Variants in RNF150 observed in about 807,000 individuals in gnomAD.
RNF150 encodes the protein ring finger protein 150.
In RNF150, 24 loss-of-function variants were observed where a neutral mutation model predicts 39.3. That is an observed-to-expected ratio of 0.61 (90% CI 0.44 to 0.86). The LOEUF (loss-of-function observed/expected upper bound fraction) is 0.86. Ranked by LOEUF, RNF150 falls within the 40% of genes least tolerant of loss-of-function variation. The pLI, the probability that RNF150 is intolerant of heterozygous loss-of-function variation, is 0.00. For missense variants in RNF150, 502 were observed against 587.8 expected, an observed-to-expected ratio of 0.85 and a Z score of 1.51; for synonymous variants, 255 against 227.3, an observed-to-expected ratio of 1.12 and a Z score of -1.10.
chr4:141,048,786 T>C (rs1299872533), intron 1 of RNF150, among the ~76,000 whole-genome samples: 1 of 152,136 alleles, frequency 6.6e-6, no homozygotes, highest in Non-Finnish European at 1.5e-5. Context: ...GAATTGGCTG[T>C]TGCAACTATT....
intron 1 of RNF150, among the ~76,000 whole-genome samples, chr4:141,159,249 C>T (rs1345478026): frequency 1.3e-5 from 2 of 152,136 alleles, no homozygotes; most frequent in African/African-American, 4.8e-5. Flanking sequence ...ATCTAATTCG[C>T]CATTGTAGCT....
intron 1 of RNF150, among the ~76,000 whole-genome samples, chr4:141,182,914 T>A (rs891876599): frequency 6.6e-6 from 1 of 150,890 alleles, no homozygotes; most frequent in Non-Finnish European, 1.5e-5. Flanking sequence ...GGCATCACAC[T>A]ACCTGACTTC....
intron 1 of RNF150, among the ~76,000 whole-genome samples, chr4:141,081,507 T>G (rs1045191167): frequency 2.0e-5 from 3 of 152,210 alleles, no homozygotes; most frequent in African/African-American, 7.2e-5. Context: ...TGTTTCATGT[T>G]TGGCAGCTTT....
intron 1 of RNF150, among the ~76,000 whole-genome samples, chr4:141,088,976 C>T (rs1738472308): frequency 6.6e-6 from 1 of 152,132 alleles, no homozygotes; most frequent in Non-Finnish European, 1.5e-5. Context: ...TACATAATTG[C>T]TAACAAAGTC....
intron 1 of RNF150, among the ~76,000 whole-genome samples, chr4:141,058,359 T>G (rs931501395): frequency 6.6e-6 from 1 of 152,154 alleles, no homozygotes; most frequent in African/African-American, 2.4e-5. Context: ...GAAAATCCCT[T>G]ACCCTTAATC....
chr4:140,921,489 C>T (rs1361492768), intron 5 of RNF150, among the ~76,000 whole-genome samples: 7 of 152,052 alleles, frequency 4.6e-5, no homozygotes, highest in Admixed American at 4.6e-4. Context: ...GCCCACCAAC[C>T]AAAAAAAGTC....
At chr4:140,998,356 A>G (rs1312428507) in intron 1 of RNF150, among the ~76,000 whole-genome samples, 3 of 152,334 alleles carry the variant, frequency 2.0e-5, no homozygotes, top group Non-Finnish European at 2.9e-5. Context: ...AAGAAGAGGA[A>G]GATACATCAG....
In RNF150 at chr4:140,868,300, T is replaced by A. The variant is rs772430827; in HGVS notation, c.1278A>T (p.Glu426Asp). 6.2e-7 allele frequency: 1 copy of A among 1,611,504 alleles called. No individual in the cohort carries two copies. The highest frequency in any genetic ancestry group is 8.5e-7 in the Non-Finnish European group (1 of 1,177,628). ...MAMEVGLSDV[E>D]LSTDQDCEEV... ...CTTCACAGTCCTGGTCAGTGGAAAG[T>A]TCTACATCAGACAGTCCAACCTCCA... is the stretch of plus-strand genomic sequence containing the variant. The change falls in exon 7 of 7, where the codon GAA (glutamate) becomes GAT (aspartate). Residue 426 changes from glutamate (E) to aspartate (D), a missense_variant. Coordinates refer to ENST00000515673, the MANE Select transcript of RNF150 (RefSeq NM_020724.2).
At chr4:140,894,472 C>T (rs901509276) in intron 6 of RNF150, among the ~76,000 whole-genome samples, 3 of 152,156 alleles carry the variant, frequency 2.0e-5, no homozygotes, top group Non-Finnish European at 2.9e-5. Flanking sequence ...AAGGATCATG[C>T]TGCTGCTTTT....
At chr4:140,924,076 C>A (rs985124971) in intron 5 of RNF150, among the ~76,000 whole-genome samples, 1 of 152,078 alleles carries the variant, frequency 6.6e-6, no homozygotes, top group Admixed American at 6.5e-5. Context: ...ACACATGCAA[C>A]AAACCTGCAC....
chr4:140,881,990 T>TC (rs1387079900), intron 6 of RNF150, among the ~76,000 whole-genome samples: 2 of 152,152 alleles, frequency 1.3e-5, no homozygotes, highest in Admixed American at 6.5e-5. Context: ...TCGTATGATT[T>TC]CAATCTTCTT....
intron 1 of RNF150, among the ~76,000 whole-genome samples, chr4:141,143,594 A>G (rs989250319): frequency 6.6e-6 from 1 of 152,202 alleles, no homozygotes; most frequent in Admixed American, 6.5e-5. Context: ...TCCACACGGC[A>G]AGTCAGTGGA....
intron 1 of RNF150, among the ~76,000 whole-genome samples, chr4:141,027,939 T>G (rs1329405626): frequency 4.5e-5 from 6 of 133,564 alleles, no homozygotes; most frequent in South Asian, 2.4e-4. Flanking sequence ...TTTTTTTTTT[T>G]TTTTTTTTTT....
intron 1 of RNF150, among the ~76,000 whole-genome samples, chr4:141,044,035 T>C (rs1736467082): frequency 6.6e-6 from 1 of 152,122 alleles, no homozygotes; most frequent in South Asian, 2.1e-4. Flanking sequence ...TTGAAGTAAA[T>C]GTATTCTATT....
At chr4:141,094,499 C>T (rs1738703330) in intron 1 of RNF150, among the ~76,000 whole-genome samples, 1 of 152,236 alleles carries the variant, frequency 6.6e-6, no homozygotes, top group African/African-American at 2.4e-5. Context: ...TAAGGTTTTG[C>T]AGGCCAATCT....
At chr4:141,118,232 C>A (rs1462089575) in intron 1 of RNF150, among the ~76,000 whole-genome samples, 2 of 152,148 alleles carry the variant, frequency 1.3e-5, no homozygotes, top group Admixed American at 1.3e-4. Context: ...AGACAACAGT[C>A]ACTGGCAGTT....
intron 6 of RNF150, among the ~76,000 whole-genome samples, chr4:140,871,018 G>A (rs62344962): frequency 9.0e-6 from 1 of 110,930 alleles, no homozygotes; most frequent in East Asian, 5.0e-4. Flanking sequence ...ATATATATAT[G>A]TATACACACA....
intron 4 of RNF150, among the ~76,000 whole-genome samples, chr4:140,937,224 G>A (rs1015766502): frequency 7.9e-5 from 12 of 152,014 alleles, no homozygotes; most frequent in Non-Finnish European, 1.3e-4. Flanking sequence ...CTCTAAAAAC[G>A]AACTATTATG....
At chr4:140,920,658 A>G (rs140665306) in intron 5 of RNF150, among the ~76,000 whole-genome samples, 81,100 of 148,976 alleles carry the variant, frequency 0.54, 22,598 homozygotes, top group East Asian at 0.89. Flanking sequence ...TACTAGAAAT[A>G]CCATTTGACC....
Sources: allele counts gnomAD v4.1 joint callset (sites outside exome capture counted in the v4.1 genomes callset), GRCh38; gene constraint gnomAD v4.1.1; transcripts MANE v1.5; gene names NCBI Gene and HGNC (gene_info 2026-07-23, HGNC 2026-07-21).